The following AP1AR variants were observed in gnomAD, a reference collection of about 807,000 sequenced individuals.
AP1AR encodes the protein AP-1 complex-associated regulatory protein.
AP1AR carries 29 observed loss-of-function variants against 46.3 expected under a neutral mutation model. The observed-to-expected ratio is 0.63, with a 90% CI of 0.47 to 0.85. AP1AR has a LOEUF of 0.85. Among genes scored for constraint, AP1AR ranks in the 40% least tolerant of loss-of-function variants. The pLI is 0.00. For missense variants in AP1AR, 357 were observed against 356.3 expected (o/e 1.00, Z -0.02); for synonymous variants, 122 against 122.9 (o/e 0.99, Z 0.05).
chr4:112,235,724 T>C (rs914899927), intron 1 of AP1AR, among the ~76,000 whole-genome samples: 1 of 152,182 alleles, frequency 6.6e-6, no homozygotes, highest in Admixed American at 6.5e-5. Context: ...AGAGTTCTTA[T>C]CCTTAACCAC....
chr4:112,242,930 C>T (rs573010249), intron 1 of AP1AR, among the ~76,000 whole-genome samples: 1 of 152,292 alleles, frequency 6.6e-6, no homozygotes, highest in Non-Finnish European at 1.5e-5. Flanking sequence ...CTTGGAGGAA[C>T]TCTAGACTGT....
intron 6 of AP1AR, among the ~76,000 whole-genome samples, chr4:112,264,544 G>A (rs1259570033): frequency 6.6e-6 from 1 of 152,112 alleles, no homozygotes; most frequent in Non-Finnish European, 1.5e-5. Context: ...ACTCCCAACA[G>A]TTCTTCTAAA....
chr4:112,246,033 C>A (rs1725712362), intron 1 of AP1AR, among the ~76,000 whole-genome samples: 1 of 152,052 alleles, frequency 6.6e-6, no homozygotes, highest in South Asian at 2.1e-4. Flanking sequence ...AAACTGTGAT[C>A]CAGTTTCCTT....
chr4:112,263,159 ACT>A, intron 6 of AP1AR, 73 bp downstream of exon 6: 2 of 1,190,382 alleles, frequency 1.7e-6, no homozygotes, highest in Non-Finnish European at 1.2e-6. Flanking sequence ...CTTAGTTGGG[ACT>A]CTTTTTTTCC....
Position 112,266,712 on chromosome 4 carries a change from A to G in AP1AR, c.639A>G (p.Glu213=), listed in dbSNP as rs950944769. 4 of 1,602,272 alleles carry G rather than the reference A, an allele frequency of 2.5e-6. No individual in the cohort carries two copies. The highest frequency in any genetic ancestry group is 2.6e-6 in the Non-Finnish European group (3 of 1,174,718). ...CCTTAGATCTAGAGTGGGAAGATGA[A>G]GAAGGTATTTTATAATTCACAATTT... The part of the protein sequence containing the change: ...STSLDLEWED[E]EGMNRMLPMR... Residue 213 remains glutamate, a synonymous_variant, in exon 9 of 10, where the codon GAA becomes GAG. Transcript: ENST00000274000.
intron 1 of AP1AR, among the ~76,000 whole-genome samples, chr4:112,238,249 A>T (rs1560601222): frequency 6.6e-6 from 1 of 152,206 alleles, no homozygotes; most frequent in Non-Finnish European, 1.5e-5. Flanking sequence ...CAGCCAGAAG[A>T]GTTATTTGAA....
chr4:112,257,741 TG>T (rs1281753771), intron 3 of AP1AR, 30 bp from the exon 4 acceptor site: 19 of 357,820 alleles, frequency 5.3e-5, no homozygotes, highest in Non-Finnish European at 6.7e-5. Context: ...CTAATGAATT[TG>T]TTTTAATTGT....
chr4:112,232,827 A>T (rs1174152701), intron 1 of AP1AR, among the ~76,000 whole-genome samples: 2 of 152,182 alleles, frequency 1.3e-5, no homozygotes, highest in Non-Finnish European at 2.9e-5. Flanking sequence ...CCTGATTGCT[A>T]CTCAAACGTC....
chr4:112,237,751 G>A (rs760221852), intron 1 of AP1AR, among the ~76,000 whole-genome samples: 4 of 152,166 alleles, frequency 2.6e-5, no homozygotes, highest in East Asian at 1.9e-4. Context: ...GAGCCACTGC[G>A]CCTGGCCTCT....
intron 1 of AP1AR, among the ~76,000 whole-genome samples, chr4:112,246,304 G>A (rs183973286): frequency 6.6e-6 from 1 of 152,092 alleles, no homozygotes; most frequent in Non-Finnish European, 1.5e-5. Flanking sequence ...CCAGGAGTTC[G>A]AGACCAGCCT....
chr4:112,248,827 G>C (rs774490187), intron 1 of AP1AR, among the ~76,000 whole-genome samples: 1 of 152,016 alleles, frequency 6.6e-6, no homozygotes. Flanking sequence ...TGACCCTCTC[G>C]CTTTCTTAGA....
At chr4:112,251,964 C>T (rs902071672) in intron 1 of AP1AR, among the ~76,000 whole-genome samples, 2 of 152,122 alleles carry the variant, frequency 1.3e-5, no homozygotes, top group African/African-American at 4.8e-5. Flanking sequence ...TTCACTAAAC[C>T]TTCATCCACA....
rs572633320 is a variant in AP1AR at position 112,261,910 on chromosome 4, G to A, written c.282+1048G>A. On this transcript the variant is annotated intron_variant, in intron 5 of 9. Coordinates refer to ENST00000274000, the MANE Select transcript of AP1AR (RefSeq NM_018569.6). ...TTGAGCCCAGGATCCTCAAGACTAT[G>A]GGAGGTCGAAGGGGAGCCACTAGAC... Among the ~76,000 whole-genome samples the A allele has an allele frequency of 2.6e-5, 4 of 151,470 alleles. No homozygotes were observed. The East Asian group carries it at 7.8e-4, about 30-fold the overall frequency.
In AP1AR at chr4:112,262,100, G is replaced by A. The variant is rs147511383; in HGVS notation, c.283-888G>A. Reference sequence around the variant, plus strand: ...AGGCCAAGACAGGCAGATTGCTCAAGTCCAGGAGTTAAGAACCAGCCTGGG... The same window carrying A: ...AGGCCAAGACAGGCAGATTGCTCAAATCCAGGAGTTAAGAACCAGCCTGGG... On this transcript the variant is annotated intron_variant, in intron 5 of 9. Coordinates refer to ENST00000274000, the MANE Select transcript of AP1AR (RefSeq NM_018569.6). Among the ~76,000 whole-genome samples the A allele has an allele frequency of 4.9e-4, 74 of 152,258 alleles. No homozygotes were observed. The East Asian group carries it at 0.011, about 23-fold the overall frequency.
At chr4:112,235,433 G>T (rs1006915035) in intron 1 of AP1AR, among the ~76,000 whole-genome samples, 1 of 151,928 alleles carries the variant, frequency 6.6e-6, no homozygotes, top group Non-Finnish European at 1.5e-5. Flanking sequence ...TGGCCTTTTT[G>T]GCTCCAGCAG....
intron 1 of AP1AR, among the ~76,000 whole-genome samples, chr4:112,242,447 T>C (rs1725544693): frequency 1.1e-5 from 1 of 91,118 alleles, no homozygotes; most frequent in South Asian, 2.6e-4. Flanking sequence ...GGGTAATTTA[T>C]AAAAGAAAAA....
intron 6 of AP1AR, among the ~76,000 whole-genome samples, chr4:112,264,057 C>T (rs1726567240): frequency 6.6e-6 from 1 of 152,110 alleles, no homozygotes; most frequent in Non-Finnish European, 1.5e-5. Flanking sequence ...CTGTGTCCTT[C>T]TCCCCCCAAC....
chr4:112,266,877 G>T, intron 9 of AP1AR, 161 bp downstream of exon 9: 1 of 587,444 alleles, frequency 1.7e-6, no homozygotes, highest in Non-Finnish European at 2.7e-6. Flanking sequence ...GATCTCTGTT[G>T]ATAAAAATTT....
chr4:112,237,352 C>A (rs1382237381), intron 1 of AP1AR, among the ~76,000 whole-genome samples: 1 of 152,168 alleles, frequency 6.6e-6, no homozygotes, highest in East Asian at 1.9e-4. Flanking sequence ...GTGATCCCCC[C>A]GTCTCGGCCT....
Sources: allele counts gnomAD v4.1 joint callset (sites outside exome capture counted in the v4.1 genomes callset), GRCh38; gene constraint gnomAD v4.1.1; transcripts MANE v1.5; gene names NCBI Gene and HGNC (gene_info 2026-07-23, HGNC 2026-07-21).